The following DMBT1 variants were observed in gnomAD, a reference collection of about 807,000 sequenced individuals.
The protein encoded by DMBT1 is scavenger receptor cysteine-rich domain-containing protein DMBT1.
DMBT1 carries 198 observed loss-of-function variants against 252.9 expected under a neutral mutation model. That is an observed-to-expected ratio of 0.78 (90% CI 0.70 to 0.88). DMBT1 has a LOEUF of 0.88. Among genes scored for constraint, DMBT1 ranks in the 40% least tolerant of loss-of-function variants. The pLI is 0.00. For missense variants in DMBT1, 2,432 were observed against 2,404.7 expected, an observed-to-expected ratio of 1.01 and a Z score of -0.24; for synonymous variants, 990 against 942.7, an observed-to-expected ratio of 1.05 and a Z score of -0.92.
intron 52 of DMBT1, among the ~76,000 whole-genome samples, chr10:122,633,649 C>T (rs2098185345): frequency 6.6e-6 from 1 of 152,104 alleles, no homozygotes; most frequent in African/African-American, 2.4e-5. Context: ...CTTTCCTGAG[C>T]CTCAGTCAAA....
chr10:122,589,108 TCAG>T lies in DMBT1; in HGVS notation c.1950_1952del (p.Ala651del). The T allele has an allele frequency of 6.3e-7, 1 of 1,588,630 alleles. No homozygotes were observed. The highest frequency in any genetic ancestry group is 8.6e-7 in the Non-Finnish European group (1 of 1,165,860). On this transcript the variant is annotated inframe_deletion, in exon 17 of 56. Coordinates refer to ENST00000338354, the MANE Select transcript of DMBT1 (RefSeq NM_001377530.1). The stretch of plus-strand genomic sequence containing the variant: ...GCAGCTGGGCTGTGGCTGGGCCACG[TCAG>T]CCCCAGGAAATGCCCGGTTTGGTCA...
intron 7 of DMBT1, 78 bp from the exon 8 acceptor site, chr10:122,577,733 C>T (rs1202463488): frequency 1.9e-6 from 3 of 1,560,224 alleles, no homozygotes; most frequent in African/African-American, 1.4e-5. Context: ...GGTGTAGATA[C>T]CCCAAGTCAC....
At chr10:122,578,794 T>C (rs764913063) in intron 9 of DMBT1, 35 bp downstream of exon 9, 52 of 1,569,204 alleles carry the variant, frequency 3.3e-5, no homozygotes, top group Non-Finnish European at 4.4e-5. Context: ...TGGGGCTCAC[T>C]TTCTACCTCT....
chr10:122,585,351 C>T (rs757383716), intron 15 of DMBT1, 42 bp downstream of exon 15: 10 of 1,567,666 alleles, frequency 6.4e-6, no homozygotes, highest in Non-Finnish European at 7.8e-6. Flanking sequence ...CACTCTCTAC[C>T]TCTGGACAAA....
chr10:122,641,047 T>A (rs1447783843), intron 55 of DMBT1, among the ~76,000 whole-genome samples: 2 of 152,150 alleles, frequency 1.3e-5, no homozygotes, highest in African/African-American at 4.8e-5. Context: ...CCACCAGGAA[T>A]GTGCACTGAA....
intron 2 of DMBT1, among the ~76,000 whole-genome samples, chr10:122,567,220 C>T (rs1186315417): frequency 6.6e-6 from 1 of 152,164 alleles, no homozygotes; most frequent in Non-Finnish European, 1.5e-5. Flanking sequence ...GCAGGGAGAC[C>T]GAGCACTCTC....
Position 122,589,182 on chromosome 10 carries a change from T to A in DMBT1, c.2022T>A (p.His674Gln), listed in dbSNP as rs777203004. 1.9e-6 allele frequency: 3 copies of A among 1,588,348 alleles called. No individual in the cohort carries two copies. The highest frequency in any genetic ancestry group is 3.4e-5 in the Admixed American group (2 of 59,540). Reference protein sequence around the residue: ...IVLDDVRCSGHESYLWSCPNN... With the variant: ...IVLDDVRCSGQESYLWSCPNN... Reference sequence around the variant, plus strand: ...TGGATGATGTGCGCTGCTCAGGACATGAGTCCTACCTGTGGAGCTGCCCCA... The same window carrying A: ...TGGATGATGTGCGCTGCTCAGGACAAGAGTCCTACCTGTGGAGCTGCCCCA... The change falls in exon 17 of 56, where the codon CAT (histidine) becomes CAA (glutamine). Residue 674 changes from histidine (H) to glutamine (Q), a missense_variant. His to Gln is a conservative substitution (Grantham distance 24). This residue lies in a region of DMBT1 where 1,264 missense variants were observed against 1,082.2 expected (regional missense o/e 1.17). Coordinates refer to ENST00000338354, the MANE Select transcript of DMBT1 (RefSeq NM_001377530.1).
At chr10:122,633,487 A>G in intron 52 of DMBT1, 146 bp downstream of exon 52, 1 of 1,412,498 alleles carries the variant, frequency 7.1e-7, no homozygotes. Context: ...AAGCCAGGAG[A>G]GAAGTTTGCT....
Position 122,629,950 on chromosome 10 carries a change from G to A in DMBT1, c.5779G>A (p.Val1927Met), listed in dbSNP as rs748789089. Residue 1927 changes from valine to methionine, a missense_variant, in exon 47 of 56, where the codon GTG becomes ATG. By Grantham distance (21) the Val-to-Met change is conservative (BLOSUM62 1). Around this residue, in one of 3 missense-constraint regions of DMBT1, gnomAD observed 1,162 missense variants for 1,169.0 expected, o/e 0.99. Coordinates refer to ENST00000338354, the MANE Select transcript of DMBT1 (RefSeq NM_001377530.1). ...NNAKCVWEIEVNSGYRINLGF... is the reference protein window; with the variant it reads ...NNAKCVWEIEMNSGYRINLGF... The stretch of plus-strand genomic sequence containing the variant: ...TGCTAAGTGTGTTTGGGAAATAGAA[G>A]TGAATTCTGGTTATCGCATAAACCT... 8.7e-6 allele frequency: 14 copies of A among 1,613,910 alleles called. No homozygotes were observed.
At position 122,565,663 on chromosome 10, in the gene DMBT1, C is replaced by T. The variant is rs1341834505; in HGVS notation, c.62-304C>T. 3.3e-5 allele frequency among the ~76,000 whole-genome samples: 5 copies of T among 152,204 alleles called. No individual in the cohort carries two copies. The East Asian group carries it at 5.8e-4, about 18-fold the overall frequency. On this transcript the variant is annotated intron_variant, in intron 1 of 55. Transcript: ENST00000338354. ...GGACAACGAGCTTAAGCTGTCTTCT[C>T]TTGTCCAGCCCTTCTTTCCAAGCAT...
rs780136326 is a variant in DMBT1, at chr10:122,585,302, G to A, written c.1452G>A (p.Ser484=). 20 of 1,586,298 alleles carry A rather than the reference G, an allele frequency of 1.3e-5. 4 individuals are homozygous for A. The highest frequency in any genetic ancestry group is 3.3e-4 in the Middle Eastern group (2 of 6,014). ...DTLPTITLPA[S]TVGSESSLAL... ...TGCCGACCATCACCTTACCTGCATC[G>A]ACAGTAGGTAAATAATCCTCTCGCC... The change falls in exon 15 of 56, where the codon TCG becomes TCA. Residue 484 remains serine, a synonymous_variant. Coordinates refer to ENST00000338354, the MANE Select transcript of DMBT1 (RefSeq NM_001377530.1).
Position 122,640,321 on chromosome 10 carries a change from C to T in DMBT1, c.7224C>T (p.Asn2408=), listed in dbSNP as rs1487499752. The T allele has an allele frequency of 5.6e-6, 9 of 1,614,066 alleles. No homozygotes were observed. The highest frequency in any genetic ancestry group is 7.6e-6 in the Non-Finnish European group (9 of 1,179,912). Residue 2408 remains asparagine, a synonymous_variant, in exon 55 of 56, where the codon AAC becomes AAT. Coordinates refer to ENST00000338354, the MANE Select transcript of DMBT1 (RefSeq NM_001377530.1). ...VTSRPYYVDL[N]QDLYVQAEIL... ...GCCGCCCTTACTACGTGGACCTGAACCAGGACTTGTACGTTCAGGCTGAAA... is the reference window on the plus strand; with the variant it reads ...GCCGCCCTTACTACGTGGACCTGAATCAGGACTTGTACGTTCAGGCTGAAA...
At chr10:122,626,109 C>G in intron 46 of DMBT1, 144 bp downstream of exon 46, 1 of 689,080 alleles carries the variant, frequency 1.5e-6, no homozygotes. Flanking sequence ...CCCTTCACCT[C>G]TTCATTTGAA....
At chr10:122,632,528 TG>T (rs2098173774) in intron 50 of DMBT1, among the ~76,000 whole-genome samples, 2 of 152,128 alleles carry the variant, frequency 1.3e-5, no homozygotes, top group South Asian at 2.1e-4. Flanking sequence ...CAGTTGCACC[TG>T]CTGTTCCTCT....
chr10:122,617,692 A>G (rs1222737807), intron 40 of DMBT1, among the ~76,000 whole-genome samples: 1 of 151,598 alleles, frequency 6.6e-6, no homozygotes, highest in East Asian at 2.0e-4. Context: ...ACTCTTAAAC[A>G]TGGGGCCAGC....
In DMBT1 at chr10:122,630,953, T is replaced by A; in HGVS notation, c.6026-8T>A. 1 of 1,588,108 alleles carries A rather than the reference T, an allele frequency of 6.3e-7. No individual in the cohort carries two copies. Among genetic ancestry groups the A allele is most frequent in the Non-Finnish European group, 8.6e-7 (1 of 1,162,806 alleles). On this transcript the variant is annotated splice_polypyrimidine_tract_variant and splice_region_variant and intron_variant, in intron 48 of 55. Transcript: ENST00000338354. ...TGGCCATGATCTCTCAGTTAATGTG[T>A]CTTTCAGATGCCACCTTGAGGTTGG...
intron 44 of DMBT1, among the ~76,000 whole-genome samples, chr10:122,622,043 C>A (rs117452729): frequency 1.5e-3 from 235 of 152,274 alleles, no homozygotes; most frequent in Non-Finnish European, 2.9e-3. Flanking sequence ...GGAGTGGTAT[C>A]CTGAGACTTG....
intron 46 of DMBT1, among the ~76,000 whole-genome samples, chr10:122,629,098 A>G (rs1455056995): frequency 6.6e-6 from 1 of 152,244 alleles, no homozygotes; most frequent in Non-Finnish European, 1.5e-5. Flanking sequence ...TCCTTTTCTG[A>G]TAAATAACAA....
rs1316852475 is a variant in DMBT1, at chr10:122,589,299, TG to T, written c.2107+36del. The T allele has an allele frequency of 3.8e-6, 6 of 1,587,712 alleles. 1 individual carries two copies. The highest frequency in any genetic ancestry group is 5.1e-6 in the Non-Finnish European group (6 of 1,165,382). On this transcript the variant is annotated intron_variant, in intron 17 of 55. Coordinates refer to ENST00000338354, the MANE Select transcript of DMBT1 (RefSeq NM_001377530.1). ...CTCCAGCAATTTTGGTTTCCTCTCTTGGGGTAGATTTTGCCCAGGAAGAGAG... is the reference window on the plus strand; with the variant it reads ...CTCCAGCAATTTTGGTTTCCTCTCTTGGGTAGATTTTGCCCAGGAAGAGAG...
Sources: gnomAD v4.1 joint callset for allele counts (sites outside exome capture counted in the v4.1 genomes callset) on GRCh38, gnomAD v4.1.1 for gene constraint, gnomAD v4.1.1 regional missense constraint, MANE v1.5 for transcripts, NCBI Gene and HGNC (gene_info 2026-07-23, HGNC 2026-07-21) for gene names.